EBF2: variants seen among roughly 807,000 people sequenced by gnomAD.
The protein encoded by EBF2 is EBF transcription factor 2.
A neutral mutation model predicts 72.8 loss-of-function variants in EBF2; 21 were observed. That is an observed-to-expected ratio of 0.29 (90% CI 0.20 to 0.42). The LOEUF is 0.42. EBF2 is among the 10% of genes least tolerant of loss of function. The pLI, the probability that EBF2 is intolerant of heterozygous loss-of-function variation, is 1.00. For synonymous variants in EBF2, 299 were observed against 274.2 expected, an observed-to-expected ratio of 1.09 and a Z score of -0.89; for missense variants, 637 against 731.2, an observed-to-expected ratio of 0.87 and a Z score of 1.49.
rs1805657211 is a variant in EBF2, at chr8:26,044,089, T to G, written c.131+640A>C. On this transcript the variant is annotated intron_variant, in intron 1 of 15. Transcript: ENST00000520164. This position sits in a 1 kb window ranked among gnomAD's most constrained non-coding sequence, Gnocchi z 4.1. ...GTATTTTCTCTTCTTTTAAATCTCT[T>G]CTTTTCTCCAGTTCCCTAGCTCCGT... 6.6e-6 allele frequency among the ~76,000 whole-genome samples: 1 copy of G among 152,210 alleles called. No homozygotes were observed. The highest frequency in any genetic ancestry group is 2.4e-5 in the African/African-American group (1 of 41,448).
chr8:25,867,751 C>T (rs1296310246), intron 10 of EBF2, among the ~76,000 whole-genome samples: 2 of 152,172 alleles, frequency 1.3e-5, no homozygotes, highest in Non-Finnish European at 2.9e-5. Context: ...GAAAATTCCA[C>T]TTAGATGGTC....
intron 6 of EBF2, among the ~76,000 whole-genome samples, chr8:25,914,791 C>A (rs80067348): frequency 0.036 from 5,544 of 152,170 alleles, 143 homozygotes; most frequent in Admixed American, 0.061. Context: ...TTAAACAATC[C>A]CTCAAACTGT....
rs1483756424 is a variant in EBF2, at chr8:25,932,862, A to G, written c.552-24307T>C. Reference sequence around the variant, plus strand: ...ATTGATAATAAAAGCTGAACTTAATAATAACAGCTGTTATTTGACCTGGTA... The same window carrying G: ...ATTGATAATAAAAGCTGAACTTAATGATAACAGCTGTTATTTGACCTGGTA... On this transcript the variant is annotated intron_variant, in intron 6 of 15. Transcript: ENST00000520164. 2.6e-5 allele frequency among the ~76,000 whole-genome samples: 4 copies of G among 152,300 alleles called. No homozygotes were observed. The East Asian group carries it at 7.7e-4, about 29-fold the overall frequency.
At position 26,040,681 on chromosome 8, in the gene EBF2, CCGGAGGGGCA is replaced by C; in HGVS notation, c.353-20_353-11del. ...TGTTCCGTGCGGACACCTGCGGGGACCGGAGGGGCACGAGTCAAGGGCCGTAGAGCCCCTT... is the reference window on the plus strand; with the variant it reads ...TGTTCCGTGCGGACACCTGCGGGGACCGAGTCAAGGGCCGTAGAGCCCCTT... On this transcript the variant is annotated splice_polypyrimidine_tract_variant and intron_variant, in intron 3 of 15. Transcript: ENST00000520164. The C allele has an allele frequency of 6.4e-7, 1 of 1,554,410 alleles. No homozygotes were observed. Among genetic ancestry groups the C allele is most frequent in the Non-Finnish European group, 8.7e-7 (1 of 1,148,446 alleles).
intron 6 of EBF2, among the ~76,000 whole-genome samples, chr8:25,950,271 C>T (rs1803837758): frequency 6.6e-6 from 1 of 152,192 alleles, no homozygotes. Flanking sequence ...CCATATTTTC[C>T]TAAAACAAGA....
chr8:25,878,845 G>A (rs1446096872), intron 10 of EBF2, among the ~76,000 whole-genome samples: 1 of 151,966 alleles, frequency 6.6e-6, no homozygotes, highest in Non-Finnish European at 1.5e-5. Context: ...GACTGCCCCC[G>A]AAGGCCCTTC....
At chr8:26,018,496 C>CAAAAAAAAAAAA (rs10555042) in intron 6 of EBF2, among the ~76,000 whole-genome samples, 21 of 81,620 alleles carry the variant, frequency 2.6e-4, no homozygotes, top group Non-Finnish European at 3.6e-4. Context: ...ACTAAAAATA[C>CAAAAAAAAAAAA]AAAAAAAAAA....
chr8:25,883,123 C>T (rs1802630254), intron 10 of EBF2, among the ~76,000 whole-genome samples: 1 of 152,174 alleles, frequency 6.6e-6, no homozygotes, highest in Admixed American at 6.5e-5. Flanking sequence ...TCTTCATATT[C>T]CCTTAATCTC....
chr8:25,962,016 C>T (rs1183100313), intron 6 of EBF2, among the ~76,000 whole-genome samples: 1 of 152,138 alleles, frequency 6.6e-6, no homozygotes, highest in Non-Finnish European at 1.5e-5. Context: ...CTGACCTGGG[C>T]ATAAGGAATA....
At chr8:25,941,150 C>A (rs1193998081) in intron 6 of EBF2, among the ~76,000 whole-genome samples, 1 of 151,714 alleles carries the variant, frequency 6.6e-6, no homozygotes, top group Non-Finnish European at 1.5e-5. Flanking sequence ...AGTGGCTACT[C>A]CTCTGCAGTC....
chr8:26,020,850 A>G (rs925191756), intron 6 of EBF2, among the ~76,000 whole-genome samples: 2 of 152,304 alleles, frequency 1.3e-5, no homozygotes, highest in African/African-American at 2.4e-5. Context: ...GATAAAATGC[A>G]TTAGCCACTC....
rs78565629 is a variant in EBF2 at position 25,990,809 on chromosome 8, T to A, written c.551+42276A>T. Among the ~76,000 whole-genome samples, 934 of 152,332 alleles carry A rather than the reference T, an allele frequency of 6.1e-3. 15 individuals carry two copies. Among genetic ancestry groups the A allele is most frequent in the African/African-American group, 0.021 (894 of 41,584 alleles). ...ACCTTATAATTATAAACACACGTCT[T>A]TCAGCTCTTCTGTGTATTCTTCCCA... On this transcript the variant is annotated intron_variant, in intron 6 of 15. Coordinates refer to ENST00000520164, the MANE Select transcript of EBF2 (RefSeq NM_022659.4).
chr8:25,927,266 C>G (rs1394116674), intron 6 of EBF2, among the ~76,000 whole-genome samples: 1 of 151,776 alleles, frequency 6.6e-6, no homozygotes, highest in East Asian at 1.9e-4. Flanking sequence ...CATCTCCCAC[C>G]CCACCCCACC....
chr8:26,044,762 A>T lies in EBF2; in HGVS notation c.98T>A (p.Val33Asp). The T allele has an allele frequency of 6.2e-7, 1 of 1,614,144 alleles. No homozygotes were observed. The highest frequency in any genetic ancestry group is 8.5e-7 in the Non-Finnish European group (1 of 1,180,018). The change falls in exon 1 of 16, where the codon GTC (valine) becomes GAC (aspartate). Residue 33 changes from valine (V) to aspartate (D), a missense_variant. Around this residue, in one of 3 missense-constraint regions of EBF2, gnomAD observed 174 missense variants for 161.9 expected, o/e 1.07. Transcript: ENST00000520164. This position sits in a 1 kb window ranked among gnomAD's most constrained non-coding sequence, Gnocchi z 4.1. ...GGCGACATTAGCGTCCACCACTCCG[A>T]CATTCCGGACCCAGGACCTGACCGA... ...MDSVRSWVRN[V>D]GVVDANVAAQ...
chr8:25,933,848 A>G (rs945474872), intron 6 of EBF2, among the ~76,000 whole-genome samples: 2 of 152,226 alleles, frequency 1.3e-5, no homozygotes, highest in East Asian at 1.9e-4. Flanking sequence ...GAGAGAGATA[A>G]GAGACAAAAC....
intron 6 of EBF2, among the ~76,000 whole-genome samples, chr8:25,978,346 A>G (rs1804301229): frequency 6.6e-6 from 1 of 152,190 alleles, no homozygotes; most frequent in Non-Finnish European, 1.5e-5. Flanking sequence ...ATTTTCTTTT[A>G]CGACTGCTAA....
chr8:26,029,619 T>TA, intron 6 of EBF2, among the ~76,000 whole-genome samples: 1 of 152,110 alleles, frequency 6.6e-6, no homozygotes, highest in East Asian at 1.9e-4. Context: ...AGTGTGCCTG[T>TA]TGTGTGAGAA....
At chr8:25,965,184 C>G (rs1408345233) in intron 6 of EBF2, among the ~76,000 whole-genome samples, 1 of 152,156 alleles carries the variant, frequency 6.6e-6, no homozygotes, top group Non-Finnish European at 1.5e-5. Flanking sequence ...TTTTCATTGC[C>G]ACTGAATTAA....
chr8:25,904,331 A>G (rs1337033530), intron 7 of EBF2, among the ~76,000 whole-genome samples: 1 of 151,990 alleles, frequency 6.6e-6, no homozygotes, highest in East Asian at 1.9e-4. Flanking sequence ...ACTTGAATGA[A>G]ATTAAAGAGA....
Sources: allele counts gnomAD v4.1 joint callset (sites outside exome capture counted in the v4.1 genomes callset), GRCh38; gene constraint gnomAD v4.1.1; regional missense constraint gnomAD v4.1.1; non-coding constraint Gnocchi (gnomAD v3.1); transcripts MANE v1.5; gene names NCBI Gene and HGNC (gene_info 2026-07-23, HGNC 2026-07-21).